Variants in SOX6 observed in about 807,000 individuals in gnomAD.
SOX6 encodes transcription factor SOX-6.
SOX6 carries 11 observed loss-of-function variants against 97.8 expected under a neutral mutation model. The observed-to-expected ratio is 0.11, with a 90% confidence interval of 0.07 to 0.19. The LOEUF is 0.19. Ranked by LOEUF, SOX6 falls within the 10% of genes least tolerant of loss-of-function variation. SOX6 has a pLI of 1.00. For missense variants in SOX6, 810 were observed against 1,039.5 expected (o/e 0.78, Z 3.04); for synonymous variants, 360 against 371.4 (o/e 0.97, Z 0.35).
At chr11:16,479,349 G>A (rs191696837), upstream of SOX6, among the ~76,000 whole-genome samples, 11 of 152,168 alleles carry the variant, frequency 7.2e-5, no homozygotes, top group East Asian at 1.2e-3. Flanking sequence ...GGCCAACATG[G>A]CGAAACCCTA....
chr11:16,374,577 C>G (rs1490921258), intron 1 of SOX6, among the ~76,000 whole-genome samples: 1 of 151,908 alleles, frequency 6.6e-6, no homozygotes, highest in African/African-American at 2.4e-5. Context: ...ATTTAGCACC[C>G]TAAGAGTGTT....
At chr11:16,127,751 T>C (rs545870217) in intron 6 of SOX6, among the ~76,000 whole-genome samples, 2 of 152,188 alleles carry the variant, frequency 1.3e-5, no homozygotes, top group East Asian at 3.9e-4. Flanking sequence ...ATAGAAAGTG[T>C]GTAATAAACA....
At chr11:16,081,113 T>A (rs1344283108) in intron 9 of SOX6, among the ~76,000 whole-genome samples, 3 of 152,036 alleles carry the variant, frequency 2.0e-5, no homozygotes, top group African/African-American at 2.4e-5. Flanking sequence ...AATAATTTTT[T>A]AAAAATCTAG....
In SOX6 at chr11:16,483,880, C is replaced by T. The variant is rs140282688; in HGVS notation, n.610-7492G>A. On this transcript the variant is annotated intron_variant and non_coding_transcript_variant, in intron 4 of 5. Transcript: ENST00000524520. ...AAGACCTTAACGTTCTCAGCAAATG[C>T]ATTCTGGTGTCACAGACTTGGGGAT... Among the ~76,000 whole-genome samples, 506 of 152,312 alleles carry T rather than the reference C, an allele frequency of 3.3e-3. 6 individuals carry two copies. Among genetic ancestry groups the T allele is most frequent in the African/African-American group, 0.012 (487 of 41,576 alleles).
chr11:16,391,687 G>A (rs940639990), intron 1 of SOX6, among the ~76,000 whole-genome samples: 7 of 151,824 alleles, frequency 4.6e-5, no homozygotes, highest in African/African-American at 1.7e-4. Flanking sequence ...TAACATATAA[G>A]TGAAGATGAA....
At chr11:16,061,515 T>C (rs1278967221) in intron 9 of SOX6, among the ~76,000 whole-genome samples, 2 of 151,774 alleles carry the variant, frequency 1.3e-5, no homozygotes, top group African/African-American at 4.8e-5. Context: ...AATACCAATG[T>C]CATTTTTAAT....
intron 13 of SOX6, among the ~76,000 whole-genome samples, chr11:16,001,843 A>T (rs1854416207): frequency 1.3e-5 from 2 of 152,004 alleles, no homozygotes; most frequent in African/African-American, 2.4e-5. Context: ...TAAGACTTCT[A>T]TTTTTTTTCT....
chr11:16,628,123 T>C (rs1170290653), intron 3 of SOX6, among the ~76,000 whole-genome samples: 2 of 152,222 alleles, frequency 1.3e-5, no homozygotes, highest in Admixed American at 6.5e-5. Flanking sequence ...GCTTTATTTC[T>C]GAGTTCTCTA....
At chr11:15,985,542 C>A (rs573616526) in intron 15 of SOX6, among the ~76,000 whole-genome samples, 172 of 152,286 alleles carry the variant, frequency 1.1e-3, no homozygotes, top group African/African-American at 4.0e-3. Context: ...TGAGGGGCCT[C>A]TTTTGAATGC....
intron 1 of SOX6, among the ~76,000 whole-genome samples, chr11:16,374,242 A>G (rs1226994222): frequency 6.6e-6 from 1 of 152,046 alleles, no homozygotes; most frequent in Non-Finnish European, 1.5e-5. Flanking sequence ...AAGTATACCC[A>G]AAAAATAAGG....
chr11:16,595,603 CAAAAAAAAA>C (rs10712410), intron 4 of SOX6, among the ~76,000 whole-genome samples: 45 of 113,872 alleles, frequency 4.0e-4, no homozygotes, highest in African/African-American at 1.2e-3. Flanking sequence ...CCACCTCTAC[CAAAAAAAAA>C]AAAAAAAAAA....
At chr11:16,004,194 T>C (rs1463686284) in intron 13 of SOX6, among the ~76,000 whole-genome samples, 1 of 151,954 alleles carries the variant, frequency 6.6e-6, no homozygotes, top group Non-Finnish European at 1.5e-5. Flanking sequence ...GATTACCTAA[T>C]CCATACTCCT....
At chr11:16,642,274 C>T (rs1164204774) in intron 3 of SOX6, among the ~76,000 whole-genome samples, 2 of 152,150 alleles carry the variant, frequency 1.3e-5, no homozygotes, top group East Asian at 3.8e-4. Flanking sequence ...GCCGAGAGAC[C>T]TGCTGTTAGT....
At chr11:16,081,721 A>G (rs1348591825) in intron 9 of SOX6, among the ~76,000 whole-genome samples, 1 of 152,228 alleles carries the variant, frequency 6.6e-6, no homozygotes, top group East Asian at 1.9e-4. Context: ...AAGATGAATC[A>G]TAAGACAAAA....
At chr11:16,047,357 C>A (rs1855865875) in intron 11 of SOX6, among the ~76,000 whole-genome samples, 1 of 151,964 alleles carries the variant, frequency 6.6e-6, no homozygotes, top group African/African-American at 2.4e-5. Flanking sequence ...CAACCCATTC[C>A]CCACCCCCAG....
intron 2 of SOX6, among the ~76,000 whole-genome samples, chr11:16,736,018 A>G (rs2134062777): frequency 6.6e-6 from 1 of 152,328 alleles, no homozygotes; most frequent in African/African-American, 2.4e-5. Flanking sequence ...TAAAGTTCTC[A>G]GTGACAGGGC....
intron 4 of SOX6, among the ~76,000 whole-genome samples, chr11:16,192,850 A>G (rs1851667962): frequency 6.6e-6 from 1 of 152,218 alleles, no homozygotes; most frequent in Admixed American, 6.5e-5. Flanking sequence ...TGAAATATAT[A>G]TAATCAAAAT....
At chr11:16,135,336 A>G (rs1849932714) in intron 6 of SOX6, among the ~76,000 whole-genome samples, 1 of 152,234 alleles carries the variant, frequency 6.6e-6, no homozygotes, top group African/African-American at 2.4e-5. Flanking sequence ...CTTCAGAAAT[A>G]TATTTCATAA....
Position 16,100,224 on chromosome 11 carries a change from A to T in SOX6, c.899-2536T>A, listed in dbSNP as rs923668751. On this transcript the variant is annotated intron_variant, in intron 7 of 15. Transcript: ENST00000683767. ...AGGAATCAGTCAACATGTTGTAGCA[A>T]TTTTTTTCAAATTTGTCTCTGGATT... Among the ~76,000 whole-genome samples, 19 of 151,554 alleles carry T rather than the reference A, an allele frequency of 1.3e-4. No individual in the cohort carries two copies. In the Admixed American group the frequency reaches 1.3e-3, roughly 10 times the overall value.
Sources: gnomAD v4.1 joint callset for allele counts (sites outside exome capture counted in the v4.1 genomes callset) on GRCh38, gnomAD v4.1.1 for gene constraint, MANE v1.5 for transcripts, NCBI Gene and HGNC (gene_info 2026-07-23, HGNC 2026-07-21) for gene names.